The following DNAH11 variants were observed in gnomAD, a reference collection of about 807,000 sequenced individuals.
DNAH11 encodes the protein axonemal beta dynein heavy chain 11.
A neutral mutation model predicts 526.0 loss-of-function variants in DNAH11; 442 were observed. That is an observed-to-expected ratio of 0.84 (90% confidence interval 0.78 to 0.91). The LOEUF (loss-of-function observed/expected upper bound fraction) is 0.91, where lower values mean the gene tolerates loss of function less well. Ranked by LOEUF, DNAH11 falls within the 40% of genes least tolerant of loss-of-function variation. The probability of loss-of-function intolerance (pLI) is 0.00; values close to 1 mark genes in which losing one functional copy is unlikely to be tolerated. For synonymous variants in DNAH11, 2,461 were observed against 1,935.9 expected, an observed-to-expected ratio of 1.27 and a Z score of -7.12; for missense variants, 6,989 against 5,448.7, an observed-to-expected ratio of 1.28 and a Z score of -8.90.
intron 72 of DNAH11, 101 bp from the exon 73 acceptor site, chr7:21,868,763 T>C (rs1415372765): frequency 1.4e-6 from 2 of 1,443,116 alleles, no homozygotes; most frequent in East Asian, 2.3e-5. Flanking sequence ...ACTCAGAAGA[T>C]GGCTGCGGTG....
chr7:21,634,610 T>C (rs77350956), intron 25 of DNAH11, among the ~76,000 whole-genome samples: 2 of 152,018 alleles, frequency 1.3e-5, no homozygotes, highest in Non-Finnish European at 2.9e-5. Context: ...GAGCTAAACA[T>C]TGAGTCCCCT....
At chr7:21,878,058 G>A (rs1783786547) in intron 74 of DNAH11, among the ~76,000 whole-genome samples, 2 of 152,122 alleles carry the variant, frequency 1.3e-5, no homozygotes, top group African/African-American at 4.8e-5. Context: ...TGGTAATTGT[G>A]TACAAATAGC....
Position 21,707,745 on chromosome 7 carries a change from C to G in DNAH11, c.6593C>G (p.Pro2198Arg), listed in dbSNP as rs745741888. ...NRTYVNMKQK[P>R]VWNDLNPKAV... ...ACATATGTTAACATGAAACAGAAGC[C>G]GGTTTGGAATGACTTAAACCCTAAA... The change falls in exon 40 of 82, where the codon CCG becomes CGG. Residue 2198 changes from proline (P) to arginine (R), a missense_variant. Pro to Arg is a moderately radical substitution (Grantham distance 103). Transcript: ENST00000409508. The G allele has an allele frequency of 1.1e-5, 17 of 1,613,054 alleles. No individual in the cohort carries two copies. In the African/African-American group the frequency reaches 2.0e-4, roughly 19 times the overall value.
chr7:21,865,031 T>C (rs1783219912), intron 70 of DNAH11, among the ~76,000 whole-genome samples: 1 of 152,260 alleles, frequency 6.6e-6, no homozygotes, highest in Non-Finnish European at 1.5e-5. Flanking sequence ...ACCATTTTTC[T>C]AAATAGTTCT....
At chr7:21,855,595 A>G (rs916531257) in intron 68 of DNAH11, among the ~76,000 whole-genome samples, 22 of 152,310 alleles carry the variant, frequency 1.4e-4, no homozygotes, top group African/African-American at 5.3e-4. Flanking sequence ...AAGAATTTAC[A>G]TTTGTTATTG....
intron 30 of DNAH11, among the ~76,000 whole-genome samples, chr7:21,667,220 G>T (rs891066966): frequency 6.6e-6 from 1 of 152,106 alleles, no homozygotes; most frequent in African/African-American, 2.4e-5. Context: ...TTTGTCCCCA[G>T]TACAAAGCCC....
chr7:21,844,577 G>A (rs1782342781), intron 66 of DNAH11, among the ~76,000 whole-genome samples: 1 of 152,160 alleles, frequency 6.6e-6, no homozygotes, highest in Non-Finnish European at 1.5e-5. Context: ...GCCCTTTCCA[G>A]AAAACGATTG....
intron 32 of DNAH11, among the ~76,000 whole-genome samples, chr7:21,684,776 A>C (rs549546179): frequency 6.6e-6 from 1 of 152,394 alleles, no homozygotes; most frequent in Non-Finnish European, 1.5e-5. Context: ...AAGTAAATAC[A>C]TACCTAGTCA....
At position 21,785,445 on chromosome 7, in the gene DNAH11, G is replaced by A. The variant is rs2127986213; in HGVS notation, c.9597+905G>A. On this transcript the variant is annotated intron_variant, in intron 58 of 81. Transcript: ENST00000409508. ...AAATAATATTGTTAAATGCTAATTA[G>A]CAATGTGACACATTAACCATGATAT... Among the ~76,000 whole-genome samples, 2 of 152,270 alleles carry A rather than the reference G, an allele frequency of 1.3e-5. 1 individual carries two copies. Among genetic ancestry groups the A allele is most frequent in the South Asian group, 4.1e-4 (2 of 4,828 alleles).
At chr7:21,843,680 C>T (rs1008734410) in intron 66 of DNAH11, among the ~76,000 whole-genome samples, 3 of 151,898 alleles carry the variant, frequency 2.0e-5, no homozygotes, top group African/African-American at 7.3e-5. Context: ...AGGGTTTCAC[C>T]ATATTTGCCA....
At chr7:21,710,787 G>T in intron 41 of DNAH11, 84 bp downstream of exon 41, 1 of 1,336,030 alleles carries the variant, frequency 7.5e-7, no homozygotes, top group Non-Finnish European at 1.0e-6. Context: ...GTTAATACTA[G>T]TTTTTGCTCA....
chr7:21,860,869 C>G (rs897482804), intron 68 of DNAH11, among the ~76,000 whole-genome samples: 1 of 152,152 alleles, frequency 6.6e-6, no homozygotes, highest in Non-Finnish European at 1.5e-5. Context: ...TCTTACATGG[C>G]AGCAGGCAAG....
intron 2 of DNAH11, among the ~76,000 whole-genome samples, chr7:21,548,235 C>G (rs1668917108): frequency 6.6e-6 from 1 of 152,064 alleles, no homozygotes; most frequent in Non-Finnish European, 1.5e-5. Flanking sequence ...ACATACACCC[C>G]CTTTTTCTGC....
At chr7:21,728,306 G>A (rs1366473005) in intron 45 of DNAH11, among the ~76,000 whole-genome samples, 1 of 121,692 alleles carries the variant, frequency 8.2e-6, no homozygotes, top group Non-Finnish European at 1.6e-5. Context: ...TGCCCAGGCT[G>A]GAGTGCAGTG....
chr7:21,691,552 T>C (rs1298854465), intron 35 of DNAH11, among the ~76,000 whole-genome samples: 1 of 152,196 alleles, frequency 6.6e-6, no homozygotes, highest in Non-Finnish European at 1.5e-5. Flanking sequence ...TATGAGCTGT[T>C]TGGAAAATAT....
chr7:21,804,448 T>C (rs1305535144), intron 62 of DNAH11, among the ~76,000 whole-genome samples: 2 of 152,148 alleles, frequency 1.3e-5, no homozygotes, highest in African/African-American at 2.4e-5. Context: ...TACCACAAAT[T>C]TAACTAATTC....
intron 77 of DNAH11, 62 bp from the exon 78 acceptor site, chr7:21,894,559 TAC>T (rs1784439492): frequency 1.3e-6 from 2 of 1,528,668 alleles, no homozygotes; most frequent in South Asian, 1.2e-5. Flanking sequence ...GTAGAGGATA[TAC>T]ACAGTCACCA....
chr7:21,638,476 C>T (rs1463705346), intron 27 of DNAH11, among the ~76,000 whole-genome samples: 1 of 152,072 alleles, frequency 6.6e-6, no homozygotes, highest in Non-Finnish European at 1.5e-5. Context: ...CTTATGACTC[C>T]TCTGAATACC....
intron 70 of DNAH11, among the ~76,000 whole-genome samples, chr7:21,865,710 G>A (rs1329447930): frequency 3.9e-5 from 6 of 152,182 alleles, no homozygotes; most frequent in Non-Finnish European, 7.3e-5. Context: ...CTTGGATCTC[G>A]TGCAAGAAAG....
Sources: gnomAD v4.1 joint callset for allele counts (sites outside exome capture counted in the v4.1 genomes callset) on GRCh38, gnomAD v4.1.1 for gene constraint, MANE v1.5 for transcripts, NCBI Gene and HGNC (gene_info 2026-07-23, HGNC 2026-07-21) for gene names.